The following PSMC6 variants were observed in gnomAD, a reference collection of about 807,000 sequenced individuals.
PSMC6 encodes proteasome 26S subunit, ATPase 6.
In PSMC6, 3 loss-of-function variants were observed where a neutral mutation model predicts 55.9. The ratio of observed to expected loss-of-function variants is 0.05; its 90% CI spans 0.02 to 0.14. The LOEUF is 0.14. Among genes scored for constraint, PSMC6 ranks in the 10% least tolerant of loss-of-function variants. PSMC6 has a pLI of 1.00. For synonymous variants in PSMC6, 137 were observed against 155.9 expected (o/e 0.88, Z 0.90); for missense variants, 210 against 478.7 (o/e 0.44, Z 5.24).
At position 52,713,867 on chromosome 14, in the gene PSMC6, A is replaced by C; in HGVS notation, c.442-14A>C. The C allele has an allele frequency of 6.6e-7, 1 of 1,507,726 alleles. No individual in the cohort carries two copies. The highest frequency in any genetic ancestry group is 9.1e-7 in the Non-Finnish European group (1 of 1,099,256). 93.4% of individuals were successfully genotyped at this position (1,507,726 alleles called of 1,614,324 possible). ...TTGACTAACTTTTTAAGAAAGATTT[A>C]ACTTCTTTTCTAGGTGATAGAATTA... On this transcript the variant is annotated splice_polypyrimidine_tract_variant and intron_variant, in intron 6 of 13. Coordinates refer to ENST00000445930, the MANE Select transcript of PSMC6 (RefSeq NM_002806.5).
intron 13 of PSMC6, 150 bp downstream of exon 13, chr14:52,724,186 G>A (rs2139858145): frequency 7.3e-6 from 5 of 686,422 alleles, no homozygotes; most frequent in African/African-American, 3.7e-5. Flanking sequence ...AATAGGAGAA[G>A]CAGGGCAAGT....
chr14:52,713,484 C>T (rs977769562), intron 6 of PSMC6, among the ~76,000 whole-genome samples: 12 of 152,002 alleles, frequency 7.9e-5, no homozygotes, highest in East Asian at 1.9e-4. Context: ...TAGTATAGAT[C>T]TTTTGAGTTG....
At position 52,720,784 on chromosome 14, in the gene PSMC6, A is replaced by T. The variant is rs958478128; in HGVS notation, c.778-77A>T. The T allele has an allele frequency of 6.0e-6, 7 of 1,167,966 alleles. No individual in the cohort carries two copies. In the African/African-American group the frequency reaches 1.1e-4, roughly 18 times the overall value. The allele number at this position is 1,167,966 out of a possible 1,614,324, so 72.4% of individuals were successfully genotyped here. On this transcript the variant is annotated intron_variant, in intron 10 of 13. Transcript: ENST00000445930. ...ATCTGTAGACAATACATTTCATGGC[A>T]TTAGACATATAAAAGGTGTGTGCTA...
chr14:52,712,969 C>T (rs1311372984), intron 6 of PSMC6, among the ~76,000 whole-genome samples: 1 of 152,042 alleles, frequency 6.6e-6, no homozygotes, highest in Non-Finnish European at 1.5e-5. Flanking sequence ...TGGTGGCTCA[C>T]GCCTGTAATC....
intron 12 of PSMC6, chr14:52,723,171 C>T (rs1219062034): frequency 2.0e-5 from 3 of 152,216 alleles, no homozygotes; most frequent in African/African-American, 7.2e-5. Context: ...AGGAAGCTTA[C>T]AATGAACTTA....
chr14:52,718,987 G>C lies in PSMC6; in HGVS notation c.726G>C (p.Arg242=), dbSNP rs568896223. The change falls in exon 10 of 14, where the codon CGG becomes CGC. Residue 242 remains arginine, a synonymous_variant. Coordinates refer to ENST00000445930, the MANE Select transcript of PSMC6 (RefSeq NM_002806.5). ...MDEIDAIGGR[R]FSEGTSADRE... ...AATCTACTATCTTAGGTGGTCGTCG[G>C]TTTTCTGAGGGTACTTCAGCTGACA... 1 of 1,612,120 alleles carries C rather than the reference G, an allele frequency of 6.2e-7. No homozygotes were observed. Among genetic ancestry groups the C allele is most frequent in the Admixed American group, 1.7e-5 (1 of 59,998 alleles).
At chr14:52,715,030 TA>T (rs1054481666) in intron 7 of PSMC6, among the ~76,000 whole-genome samples, 6 of 151,978 alleles carry the variant, frequency 3.9e-5, no homozygotes, top group African/African-American at 1.5e-4. Flanking sequence ...GCACCATGGG[TA>T]AAATTAAATT....
chr14:52,712,274 A>G (rs910320015), intron 6 of PSMC6, among the ~76,000 whole-genome samples: 1 of 151,842 alleles, frequency 6.6e-6, no homozygotes, highest in African/African-American at 2.4e-5. Context: ...AGTGGTTTTG[A>G]TGGACTAGAT....
intron 13 of PSMC6, among the ~76,000 whole-genome samples, chr14:52,724,387 T>C (rs1223229871): frequency 1.3e-5 from 2 of 152,200 alleles, no homozygotes; most frequent in Non-Finnish European, 2.9e-5. Context: ...TAGTGTTGAC[T>C]CCTTTGCACT....
intron 12 of PSMC6, chr14:52,722,982 T>C (rs1880261080): frequency 6.6e-6 from 1 of 152,228 alleles, no homozygotes. Flanking sequence ...AAGTTAATGG[T>C]CCAGAATAAT....
At chr14:52,721,981 A>G (rs1880203019) in intron 12 of PSMC6, 1 of 152,358 alleles carries the variant, frequency 6.6e-6, no homozygotes, top group Non-Finnish European at 1.5e-5. Context: ...CTGATCTTGA[A>G]CTACTGGGCT....
intron 13 of PSMC6, among the ~76,000 whole-genome samples, chr14:52,725,659 G>A (rs1880380304): frequency 2.0e-5 from 3 of 152,172 alleles, no homozygotes; most frequent in Admixed American, 6.5e-5. Flanking sequence ...GGGACTATAG[G>A]CGTGCGCCAC....
chr14:52,721,443 A>G (rs2041889223), intron 12 of PSMC6: 1 of 363,036 alleles, frequency 2.8e-6, no homozygotes, highest in East Asian at 4.9e-5. Context: ...GTTAGGAAAA[A>G]ACAGATAAAG....
intron 1 of PSMC6, chr14:52,707,506 T>G: frequency 1.6e-6 from 1 of 619,610 alleles, no homozygotes; most frequent in Non-Finnish European, 2.7e-6. Flanking sequence ...CCAGCCCGGG[T>G]GACAGAACAT....
intron 6 of PSMC6, among the ~76,000 whole-genome samples, 179 bp downstream of exon 6, chr14:52,711,703 GTTTT>G (rs199666940): frequency 2.6e-5 from 4 of 151,390 alleles, no homozygotes; most frequent in African/African-American, 9.7e-5. Context: ...GAAAATTACT[GTTTT>G]TTTTTATTTG....
intron 12 of PSMC6, chr14:52,723,586 T>A (rs1398673345): frequency 5.9e-6 from 1 of 168,848 alleles, no homozygotes; most frequent in Non-Finnish European, 1.3e-5. Context: ...TAAATTCCAT[T>A]GTTATAATTG....
chr14:52,713,365 C>T (rs1167217025), intron 6 of PSMC6, among the ~76,000 whole-genome samples: 1 of 152,158 alleles, frequency 6.6e-6, no homozygotes, highest in Non-Finnish European at 1.5e-5. Context: ...TAAAAGCTGC[C>T]GTGGCAAAAT....
At chr14:52,710,829 C>T (rs1216504501) in intron 4 of PSMC6, 2 of 422,376 alleles carry the variant, frequency 4.7e-6, no homozygotes, top group African/African-American at 4.1e-5. Context: ...TTCCCAAAGT[C>T]ACTGTACCAT....
intron 1 of PSMC6, among the ~76,000 whole-genome samples, chr14:52,708,024 TAA>T (rs2041722876): frequency 6.6e-6 from 1 of 152,226 alleles, no homozygotes; most frequent in Non-Finnish European, 1.5e-5. Context: ...TCGCAAATCC[TAA>T]GTGTCAGGGT....
Sources: gnomAD v4.1 joint callset for allele counts (sites outside exome capture counted in the v4.1 genomes callset) on GRCh38, gnomAD v4.1.1 for gene constraint, MANE v1.5 for transcripts, NCBI Gene and HGNC (gene_info 2026-07-23, HGNC 2026-07-21) for gene names.